Variants in MCM8 observed in about 807,000 individuals in gnomAD.
The protein encoded by MCM8 is DNA helicase MCM8.
MCM8 carries 85 observed loss-of-function variants against 98.9 expected under a neutral mutation model. The observed-to-expected ratio is 0.86, with a 90% CI of 0.72 to 1.03. The LOEUF (loss-of-function observed/expected upper bound fraction) is 1.03, where lower values mean the gene tolerates loss of function less well. MCM8 is among the 50% of genes least tolerant of loss of function. MCM8 has a pLI of 0.00. For missense variants in MCM8, 951 were observed against 997.8 expected, an observed-to-expected ratio of 0.95 and a Z score of 0.63; for synonymous variants, 352 against 338.6, an observed-to-expected ratio of 1.04 and a Z score of -0.44.
At position 5,967,553 on chromosome 20, in the gene MCM8, T is replaced by C. The variant is rs748944634; in HGVS notation, c.993T>C (p.Ile331=). The C allele has an allele frequency of 2.5e-6, 4 of 1,613,452 alleles. No individual in the cohort carries two copies. The highest frequency in any genetic ancestry group is 1.7e-5 in the Admixed American group (1 of 59,960). Residue 331 remains isoleucine, a synonymous_variant, in exon 9 of 19, where the codon ATT becomes ATC. Transcript: ENST00000610722. ...GTGTCCCGGGAGACACAGTGACTAT[T>C]ACTGGAATTGTCAAAGTCTCAAATG... ...DSCVPGDTVT[I]TGIVKVSNAE...
In MCM8 at chr20:5,996,152, A is replaced by G. The variant is rs915974994; in HGVS notation, c.*1761A>G. 5.3e-5 allele frequency: 8 copies of G among 152,118 alleles called. No homozygotes were observed. The highest frequency in any genetic ancestry group is 1.2e-4 in the Non-Finnish European group (8 of 68,108). 9.4% of individuals were successfully genotyped at this position (152,118 alleles called of 1,614,324 possible). A position where few individuals can be genotyped will look rare whatever the true frequency, so the allele number is the denominator to read the frequency against. Reference sequence around the variant, plus strand: ...TAGCTGGGCACGGTGGTGCATGCCTATTGTCCTACCTACTGTGGAGGCTGA... The same window carrying G: ...TAGCTGGGCACGGTGGTGCATGCCTGTTGTCCTACCTACTGTGGAGGCTGA... On this transcript the variant is annotated 3_prime_UTR_variant, in exon 19 of 19. Transcript: ENST00000610722.
intron 13 of MCM8, among the ~76,000 whole-genome samples, chr20:5,979,789 G>A (rs1224679133): frequency 6.6e-6 from 1 of 152,144 alleles, no homozygotes; most frequent in Non-Finnish European, 1.5e-5. Context: ...TTTTAATACA[G>A]TAATCTCATT....
chr20:5,970,288 T>C (rs1034756273), intron 10 of MCM8, among the ~76,000 whole-genome samples: 6 of 152,190 alleles, frequency 3.9e-5, no homozygotes, highest in Non-Finnish European at 7.3e-5. Context: ...TAGAAGTTTA[T>C]GTTTTAGTTT....
At chr20:5,972,519 T>C in intron 11 of MCM8, 1 of 303,996 alleles carries the variant, frequency 3.3e-6, no homozygotes, top group Non-Finnish European at 6.4e-6. Context: ...AGAAAAAACT[T>C]TTACCAACTA....
intron 13 of MCM8, among the ~76,000 whole-genome samples, chr20:5,979,847 C>A (rs560044275): frequency 6.6e-6 from 1 of 152,116 alleles, no homozygotes; most frequent in Non-Finnish European, 1.5e-5. Flanking sequence ...AGTAACTGCC[C>A]GTCTCGCTCA....
At chr20:5,968,349 A>C (rs1337382052) in intron 10 of MCM8, among the ~76,000 whole-genome samples, 1 of 152,232 alleles carries the variant, frequency 6.6e-6, no homozygotes, top group Non-Finnish European at 1.5e-5. Context: ...GTTCGAGACC[A>C]GCCTGGCCAA....
At chr20:5,981,651 G>A (rs748035496) in intron 13 of MCM8, among the ~76,000 whole-genome samples, 6 of 152,188 alleles carry the variant, frequency 3.9e-5, no homozygotes, top group Admixed American at 6.5e-5. Flanking sequence ...CAGAGCAGCC[G>A]TTATTATACA....
chr20:5,992,860 T>G (rs562725020), intron 17 of MCM8, among the ~76,000 whole-genome samples: 2 of 152,214 alleles, frequency 1.3e-5, no homozygotes, highest in Admixed American at 1.3e-4. Context: ...TATCCCATTG[T>G]TGAGGCAGGG....
intron 7 of MCM8, among the ~76,000 whole-genome samples, chr20:5,960,660 G>A (rs1387482276): frequency 2.0e-5 from 3 of 152,140 alleles, no homozygotes; most frequent in Non-Finnish European, 4.4e-5. Context: ...CTTCGGCTGG[G>A]CTTGGTGGCT....
intron 3 of MCM8, among the ~76,000 whole-genome samples, 190 bp from the exon 4 acceptor site, chr20:5,954,418 A>T (rs1042837110): frequency 5.3e-5 from 8 of 152,234 alleles, no homozygotes; most frequent in African/African-American, 1.9e-4. Context: ...TGCATTTCAC[A>T]TTATGCAAAC....
rs940405577 is a variant in MCM8, at chr20:5,955,103, A to G, written c.338A>G (p.Asp113Gly). Residue 113 changes from aspartate to glycine, a missense_variant and splice_region_variant, in exon 5 of 19, where the codon GAT (aspartate) becomes GGT (glycine). By Grantham distance (94) the Asp-to-Gly change is moderately conservative. Coordinates refer to ENST00000610722, the MANE Select transcript of MCM8 (RefSeq NM_032485.6). ...TTTTCATACTTTTATATTTTATAGG[A>G]TGAAATAGAAAGAAAGGGAAGTATT... Reference protein sequence around the residue: ...FTRHIDLYDKDEIERKGSILV... With the variant: ...FTRHIDLYDKGEIERKGSILV... 1.9e-6 allele frequency: 3 copies of G among 1,587,276 alleles called. No individual in the cohort carries two copies. Among genetic ancestry groups the G allele is most frequent in the Admixed American group, 1.7e-5 (1 of 58,850 alleles).
At chr20:5,976,699 G>A (rs1203413988) in intron 12 of MCM8, among the ~76,000 whole-genome samples, 2 of 152,188 alleles carry the variant, frequency 1.3e-5, no homozygotes, top group Non-Finnish European at 2.9e-5. Context: ...CTCATCAACA[G>A]GTGCATTCCT....
Position 5,994,973 on chromosome 20 carries a change from G to T in MCM8, c.*582G>T. 1 of 174,692 alleles carries T rather than the reference G, an allele frequency of 5.7e-6. No homozygotes were observed. 10.8% of individuals were successfully genotyped at this position (174,692 alleles called of 1,614,324 possible). On this transcript the variant is annotated 3_prime_UTR_variant, in exon 19 of 19. Coordinates refer to ENST00000610722, the MANE Select transcript of MCM8 (RefSeq NM_032485.6). ...TAATTGTTAAATAAATTCTCCAAAG[G>T]GCTAAAAGTAAATTACTTATAAATT... is the stretch of plus-strand genomic sequence containing the variant.
At chr20:5,968,082 G>T in intron 10 of MCM8, 57 bp downstream of exon 10, 1 of 1,483,334 alleles carries the variant, frequency 6.7e-7, no homozygotes, top group Non-Finnish European at 9.2e-7. Flanking sequence ...GGGTTCTCTT[G>T]GCTACAGGTA....
chr20:5,963,439 A>G, intron 8 of MCM8, 80 bp downstream of exon 8: 1 of 1,001,356 alleles, frequency 1.0e-6, no homozygotes, highest in Non-Finnish European at 1.6e-6. Flanking sequence ...ACTGTATTAT[A>G]TTGTACGTTT....
rs572568726 is a variant in MCM8 at position 5,962,653 on chromosome 20, C to T, written c.790-621C>T. Reference sequence around the variant, plus strand: ...CCTCCCAAAGTGCTGGGATTACAGGCGTGAGCCACCGCGCCCGGCCTTCAT... The same window carrying T: ...CCTCCCAAAGTGCTGGGATTACAGGTGTGAGCCACCGCGCCCGGCCTTCAT... On this transcript the variant is annotated intron_variant, in intron 7 of 18. Transcript: ENST00000610722. Among the ~76,000 whole-genome samples, 20 of 68,550 alleles carry T rather than the reference C, an allele frequency of 2.9e-4. 2 individuals carry two copies. The highest frequency in any genetic ancestry group is 7.1e-3 in the Middle Eastern group (1 of 140). 45.0% of individuals were successfully genotyped at this position (68,550 alleles called of 152,430 possible).
rs75208981 is a variant in MCM8, at chr20:5,954,646, G to C, written c.292G>C (p.Ala98Pro). The C allele has an allele frequency of 8.8e-4, 1,420 of 1,611,166 alleles. 10 individuals are homozygous for C. The African/African-American group carries it at 0.015, about 16-fold the overall frequency. ...DSSPLIEKIQ[A>P]FEKFFTRHID... is the part of the protein sequence containing the mutation. ...CTCTCCTTTGATTGAGAAGATTCAA[G>C]CATTTGAAAAATTTTTCACAAGGCA... Residue 98 changes from alanine to proline, a missense_variant, in exon 4 of 19, where the codon GCA (alanine) becomes CCA (proline). Physicochemically the swap from Ala to Pro is conservative, Grantham distance 27. Coordinates refer to ENST00000610722, the MANE Select transcript of MCM8 (RefSeq NM_032485.6).
intron 7 of MCM8, among the ~76,000 whole-genome samples, chr20:5,958,950 A>AT (rs1405020785): frequency 6.6e-6 from 1 of 152,094 alleles, no homozygotes; most frequent in Admixed American, 6.6e-5. Flanking sequence ...CTCCGGACAC[A>AT]TTTTTTAATG....
intron 5 of MCM8, 86 bp from the exon 6 acceptor site, chr20:5,957,040 A>T: frequency 1.3e-6 from 1 of 744,370 alleles, no homozygotes; most frequent in Non-Finnish European, 2.1e-6. Flanking sequence ...TCTGTCCATA[A>T]ACTTTATATT....
Sources: allele counts gnomAD v4.1 joint callset (sites outside exome capture counted in the v4.1 genomes callset), GRCh38; gene constraint gnomAD v4.1.1; transcripts MANE v1.5; gene names NCBI Gene and HGNC (gene_info 2026-07-23, HGNC 2026-07-21).